IL19: variants seen among roughly 807,000 people sequenced by gnomAD.
The protein encoded by IL19 is interleukin 19.
IL19 carries 15 observed loss-of-function variants against 19.5 expected under a neutral mutation model. The observed-to-expected ratio is 0.77, with a 90% CI of 0.52 to 1.19. IL19 has a LOEUF of 1.19. Among genes scored for constraint, IL19 ranks in the 50% most tolerant of loss-of-function variants. The pLI, the probability that IL19 is intolerant of heterozygous loss-of-function variation, is 0.00. For missense variants in IL19, 199 were observed against 213.1 expected (o/e 0.93, Z 0.41); for synonymous variants, 78 against 78.3 (o/e 1.00, Z 0.02).
chr1:206,789,380 C>T (rs1675339706), intron 1 of IL19, among the ~76,000 whole-genome samples: 1 of 152,282 alleles, frequency 6.6e-6, no homozygotes. Context: ...TTATACCACC[C>T]CTTATGCCTT....
chr1:206,833,459 G>A (rs112228523), intron 2 of IL19, among the ~76,000 whole-genome samples: 3 of 152,322 alleles, frequency 2.0e-5, no homozygotes, highest in East Asian at 1.9e-4. Flanking sequence ...CAGCATGAGC[G>A]ACTCCATTTA....
chr1:206,817,402 A>G (rs1676184144), intron 2 of IL19, among the ~76,000 whole-genome samples: 1 of 152,238 alleles, frequency 6.6e-6, no homozygotes, highest in African/African-American at 2.4e-5. Flanking sequence ...TCAACTTGCA[A>G]TATAAAGCTT....
At chr1:206,783,402 T>C (rs1409268627) in intron 1 of IL19, among the ~76,000 whole-genome samples, 2 of 152,230 alleles carry the variant, frequency 1.3e-5, no homozygotes, top group Non-Finnish European at 2.9e-5. Flanking sequence ...CTAAACAGTA[T>C]TATTCTTTCA....
Position 206,834,491 on chromosome 1 carries a change from A to G in IL19, c.-2-2170A>G, listed in dbSNP as rs1052714260. 8 of 952,354 alleles carry G rather than the reference A, an allele frequency of 8.4e-6. No homozygotes were observed. In the East Asian group the frequency reaches 8.0e-4, roughly 95 times the overall value. 59.0% of individuals were successfully genotyped at this position (952,354 alleles called of 1,614,324 possible). ...TGCCGCAGGGAGGTGACCTGTTACC[A>G]TTGTGTATGGCTATGATGTTCCAGA... On this transcript the variant is annotated intron_variant, in intron 2 of 6. Transcript: ENST00000659997.
rs942945075 is a variant in IL19 at position 206,840,408 on chromosome 1, C to T, written c.363+406C>T. 76 of 311,762 alleles carry T rather than the reference C, an allele frequency of 2.4e-4. 1 individual carries two copies. Among genetic ancestry groups the T allele is most frequent in the African/African-American group, 8.7e-5 (4 of 46,132 alleles). The allele number at this position is 311,762 out of a possible 1,614,324, so 19.3% of individuals were successfully genotyped here. A position where few individuals can be genotyped will look rare whatever the true frequency, so the allele number is the denominator to read the frequency against. On this transcript the variant is annotated intron_variant, in intron 5 of 6. Coordinates refer to ENST00000659997, the MANE Select transcript of IL19 (RefSeq NM_153758.5). ...CTAAAGGTTACTTAGAAATTCATTG[C>T]GATCTATTTAAATCCAACATCAGAA...
intron 1 of IL19, among the ~76,000 whole-genome samples, chr1:206,793,397 G>A (rs6689179): frequency 0.61 from 92,797 of 152,044 alleles, 29,417 homozygotes; most frequent in East Asian, 0.71. Context: ...GCTTTCCTAC[G>A]GGCTGGATTT....
chr1:206,805,083 C>T (rs561792847), intron 2 of IL19, among the ~76,000 whole-genome samples: 4 of 152,308 alleles, frequency 2.6e-5, no homozygotes, highest in African/African-American at 4.8e-5. Context: ...ACACCTGTAT[C>T]GGCACAATTT....
intron 2 of IL19, among the ~76,000 whole-genome samples, chr1:206,821,786 T>TGGGATCAACAGCTCCCTTTCCCCCA (rs1676295727): frequency 6.6e-6 from 1 of 152,190 alleles, no homozygotes. Context: ...GCCGCCACCC[T>TGGGATCAACAGCTCCCTTTCCCCCA]GGGATCAACA....
intron 2 of IL19, among the ~76,000 whole-genome samples, chr1:206,830,671 C>T (rs538938254): frequency 5.3e-5 from 8 of 152,128 alleles, no homozygotes; most frequent in East Asian, 3.9e-4. Flanking sequence ...CTCTGCCTCC[C>T]GGGTTCATGC....
chr1:206,837,492 G>GA (rs1405625580), intron 4 of IL19, among the ~76,000 whole-genome samples: 1 of 152,008 alleles, frequency 6.6e-6, no homozygotes, highest in African/African-American at 2.4e-5. Context: ...GAGATGAAGT[G>GA]AAAAAATACC....
chr1:206,834,259 C>T (rs1195930048), intron 2 of IL19: 5 of 985,356 alleles, frequency 5.1e-6, no homozygotes, highest in Non-Finnish European at 4.8e-6. Flanking sequence ...GGGGAAAAAA[C>T]AATCTCCCCA....
At chr1:206,796,661 C>T (rs1675532483) in intron 1 of IL19, among the ~76,000 whole-genome samples, 3 of 152,172 alleles carry the variant, frequency 2.0e-5, no homozygotes, top group South Asian at 4.1e-4. Context: ...TTCAGTACAG[C>T]ATCATGCTGT....
intron 4 of IL19, 107 bp downstream of exon 4, chr1:206,837,130 A>C (rs370251083): frequency 2.3e-6 from 2 of 879,192 alleles, no homozygotes; most frequent in Non-Finnish European, 3.6e-6. Context: ...CTAATCTCCA[A>C]TGTACTCTAA....
intron 2 of IL19, among the ~76,000 whole-genome samples, chr1:206,824,419 A>C (rs1676377041): frequency 6.6e-6 from 1 of 152,204 alleles, no homozygotes; most frequent in Non-Finnish European, 1.5e-5. Flanking sequence ...GAATGAGAAG[A>C]GTATTGGTGG....
intron 5 of IL19, 32 bp from the exon 6 acceptor site, chr1:206,840,972 C>T: frequency 6.3e-7 from 1 of 1,592,014 alleles, no homozygotes; most frequent in African/African-American, 1.3e-5. Context: ...TGGAAATGTC[C>T]TCTGATAGGA....
At chr1:206,802,864 A>G (rs1240746558) in intron 2 of IL19, among the ~76,000 whole-genome samples, 1 of 152,188 alleles carries the variant, frequency 6.6e-6, no homozygotes, top group Non-Finnish European at 1.5e-5. Flanking sequence ...TCTGGCAGAT[A>G]AGAAGGACTG....
chr1:206,828,301 C>T (rs1471894055), intron 2 of IL19, among the ~76,000 whole-genome samples: 1 of 152,200 alleles, frequency 6.6e-6, no homozygotes, highest in Non-Finnish European at 1.5e-5. Flanking sequence ...ACTAGAGCAC[C>T]AACAGCCCCT....
intron 1 of IL19, chr1:206,772,544 T>C (rs969044173): frequency 9.5e-5 from 95 of 1,002,350 alleles, no homozygotes; most frequent in Non-Finnish European, 6.4e-5. Context: ...CAGGGAGGCC[T>C]CTTCATTCAT....
At chr1:206,775,268 G>A (rs371300746) in intron 1 of IL19, among the ~76,000 whole-genome samples, 14 of 152,076 alleles carry the variant, frequency 9.2e-5, no homozygotes, top group African/African-American at 3.4e-4. Context: ...TAACCAGGAT[G>A]GTCTCGATCT....
Sources: gnomAD v4.1 joint callset for allele counts (sites outside exome capture counted in the v4.1 genomes callset) on GRCh38, gnomAD v4.1.1 for gene constraint, MANE v1.5 for transcripts, NCBI Gene and HGNC (gene_info 2026-07-23, HGNC 2026-07-21) for gene names.